TENM3: variants seen among roughly 807,000 people sequenced by gnomAD.
The protein encoded by TENM3 is teneurin-3.
TENM3 carries 63 observed loss-of-function variants against 255.1 expected under a neutral mutation model. The ratio of observed to expected loss-of-function variants is 0.25; its 90% confidence interval spans 0.20 to 0.30. The LOEUF (loss-of-function observed/expected upper bound fraction) is 0.30. TENM3 is among the 10% of genes least tolerant of loss of function. The pLI, the probability that TENM3 is intolerant of heterozygous loss-of-function variation, is 1.00. For missense variants in TENM3, 2,929 were observed against 3,461.1 expected (o/e 0.85, Z 3.86); for synonymous variants, 1,306 against 1,322.3 (o/e 0.99, Z 0.27).
the TENM3 span, among the ~76,000 whole-genome samples, chr4:181,459,257 T>A: frequency 6.6e-6 from 1 of 151,830 alleles, no homozygotes; most frequent in Non-Finnish European, 1.5e-5. Flanking sequence ...TAATATTTAT[T>A]ATGGAGTTCT....
chr4:182,325,877 C>CT (rs1275555133), intron 2 of TENM3, among the ~76,000 whole-genome samples: 10 of 152,176 alleles, frequency 6.6e-5, no homozygotes, highest in Non-Finnish European at 1.3e-4. Flanking sequence ...GCAAGCATTT[C>CT]TTTTTGGCAG....
At chr4:181,595,430 CAAAA>C in the TENM3 span, among the ~76,000 whole-genome samples, 1 of 41,856 alleles carries the variant, frequency 2.4e-5, no homozygotes, top group African/African-American at 8.7e-5. Flanking sequence ...GACTCCATCC[CAAAA>C]AAAAAAAAAA....
intron 16 of TENM3, among the ~76,000 whole-genome samples, chr4:182,736,048 T>A (rs1486745783): frequency 6.6e-6 from 1 of 152,212 alleles, no homozygotes; most frequent in African/African-American, 2.4e-5. Context: ...TATTAGTTGC[T>A]CTCTAGGATA....
At chr4:182,571,416 C>G (rs2152020115) in intron 3 of TENM3, among the ~76,000 whole-genome samples, 1 of 152,236 alleles carries the variant, frequency 6.6e-6, no homozygotes, top group African/African-American at 2.4e-5. Flanking sequence ...GTCCCAGCTC[C>G]TCAGGAGGCT....
the TENM3 span, among the ~76,000 whole-genome samples, chr4:182,112,501 T>C: frequency 6.6e-6 from 1 of 152,224 alleles, no homozygotes; most frequent in African/African-American, 2.4e-5. Context: ...TCATTGGGTC[T>C]TCACAGAGAA....
intron 6 of TENM3, among the ~76,000 whole-genome samples, chr4:182,666,636 C>G (rs556610083): frequency 1.3e-5 from 2 of 152,318 alleles, no homozygotes; most frequent in African/African-American, 4.8e-5. Context: ...GTGGCTCATG[C>G]CTGCAATCCC....
intron 1 of TENM3, among the ~76,000 whole-genome samples, chr4:182,201,774 T>C (rs1412557211): frequency 6.6e-6 from 1 of 152,168 alleles, no homozygotes; most frequent in Non-Finnish European, 1.5e-5. Flanking sequence ...AAGTCAGATA[T>C]ACTTCAGAAC....
At chr4:182,556,770 T>G (rs529127493) in intron 3 of TENM3, among the ~76,000 whole-genome samples, 5 of 152,232 alleles carry the variant, frequency 3.3e-5, no homozygotes, top group African/African-American at 1.2e-4. Context: ...TAGACTGAAG[T>G]GCTGGCATAT....
chr4:181,605,574 GAGAA>G, the TENM3 span, among the ~76,000 whole-genome samples: 2 of 21,978 alleles, frequency 9.1e-5, no homozygotes, highest in African/African-American at 2.2e-4. Context: ...AAGAAAGAGA[GAGAA>G]AGAAAGGAAA....
the TENM3 span, among the ~76,000 whole-genome samples, chr4:181,574,355 C>G: frequency 6.6e-6 from 1 of 151,740 alleles, no homozygotes; most frequent in South Asian, 2.1e-4. Flanking sequence ...CAAGGTGAAA[C>G]CCCGTCTCTA....
the TENM3 span, among the ~76,000 whole-genome samples, chr4:181,929,045 G>A: frequency 1.3e-5 from 2 of 152,052 alleles, no homozygotes; most frequent in Non-Finnish European, 1.5e-5. Flanking sequence ...AATATGGAAC[G>A]AAAAACCGGT....
the TENM3 span, among the ~76,000 whole-genome samples, chr4:181,669,456 C>T: frequency 6.6e-6 from 1 of 152,148 alleles, no homozygotes; most frequent in Non-Finnish European, 1.5e-5. Flanking sequence ...AGGAAATACA[C>T]AATATACCCC....
At chr4:181,746,797 C>G in the TENM3 span, among the ~76,000 whole-genome samples, 2 of 151,700 alleles carry the variant, frequency 1.3e-5, no homozygotes, top group Admixed American at 1.3e-4. Context: ...CATTGTTTTA[C>G]ACATTGCTTC....
the TENM3 span, among the ~76,000 whole-genome samples, chr4:182,009,597 G>A: frequency 2.0e-5 from 3 of 152,158 alleles, no homozygotes; most frequent in Non-Finnish European, 2.9e-5. Context: ...GAAAAGCGCA[G>A]CCTGGAGCTA....
chr4:182,614,623 C>T (rs925093841), intron 4 of TENM3, among the ~76,000 whole-genome samples: 15 of 152,084 alleles, frequency 9.9e-5, no homozygotes, highest in Non-Finnish European at 2.2e-4. Context: ...TATAAATCTA[C>T]TGCCAGTGGT....
the TENM3 span, among the ~76,000 whole-genome samples, chr4:181,581,682 G>A: frequency 6.6e-6 from 1 of 151,482 alleles, no homozygotes; most frequent in Non-Finnish European, 1.5e-5. Context: ...TATTCTGTGC[G>A]GTGAACTTCT....
the TENM3 span, among the ~76,000 whole-genome samples, chr4:181,587,641 T>G: frequency 6.6e-6 from 1 of 152,104 alleles, no homozygotes; most frequent in Non-Finnish European, 1.5e-5. Context: ...AGTGGGCCAT[T>G]TGGGACCCCA....
Position 182,743,237 on chromosome 4 carries a change from C to G in TENM3, c.3447C>G (p.Ile1149Met). 1 of 1,614,026 alleles carries G rather than the reference C, an allele frequency of 6.2e-7. No individual in the cohort carries two copies. The highest frequency in any genetic ancestry group is 1.1e-5 in the South Asian group (1 of 91,082). ...ISQQPPVVSS[I>M]MGNGRRRSIS... is the part of the protein sequence containing the mutation. Reference sequence around the variant, plus strand: ...AGCAGCCTCCAGTCGTGAGTAGCATCATGGGCAATGGGCGAAGGCGCAGCA... The same window carrying G: ...AGCAGCCTCCAGTCGTGAGTAGCATGATGGGCAATGGGCGAAGGCGCAGCA... Residue 1149 changes from isoleucine (I) to methionine (M), a missense_variant, in exon 19 of 28, where the codon ATC becomes ATG. This residue lies in a region of TENM3 where 1,608 missense variants were observed against 1,884.4 expected (regional missense o/e 0.85). Transcript: ENST00000511685.
In TENM3 at chr4:182,796,654, G is replaced by T. The variant is rs1320013684; in HGVS notation, c.7231G>T (p.Val2411Leu). Residue 2411 changes from valine to leucine, a missense_variant, in exon 27 of 28, where the codon GTG (valine) becomes TTG (leucine). Physicochemically the swap from Val to Leu is conservative, Grantham distance 32. Around this residue, in one of 6 missense-constraint regions of TENM3, gnomAD observed 476 missense variants for 480.1 expected, o/e 0.99. Transcript: ENST00000511685. ...TCTCCTAGATGTTAACAGCTGGCTG[G>T]TGACATTTGGTTTCCATCTGCACAA... ...DYITDVNSWL[V>L]TFGFHLHNAI... 6.2e-7 allele frequency: 1 copy of T among 1,609,262 alleles called. No individual in the cohort carries two copies. The highest frequency in any genetic ancestry group is 1.3e-5 in the African/African-American group (1 of 74,850).
Sources: gnomAD v4.1 joint callset for allele counts (sites outside exome capture counted in the v4.1 genomes callset) on GRCh38, gnomAD v4.1.1 for gene constraint, gnomAD v4.1.1 regional missense constraint, MANE v1.5 for transcripts, NCBI Gene and HGNC (gene_info 2026-07-23, HGNC 2026-07-21) for gene names.